Variants in AGBL1 observed in about 807,000 individuals in gnomAD.
AGBL1 encodes the protein cytosolic carboxypeptidase 4.
Under a neutral mutation model 118.9 loss-of-function variants are expected in AGBL1, and 130 were observed. That is an observed-to-expected ratio of 1.09 (90% CI 0.95 to 1.26). The LOEUF is 1.26. Among genes scored for constraint, AGBL1 ranks in the 50% most tolerant of loss-of-function variants. The pLI, the probability that AGBL1 is intolerant of heterozygous loss-of-function variation, is 0.00. For synonymous variants in AGBL1, 555 were observed against 478.9 expected, an observed-to-expected ratio of 1.16 and a Z score of -2.08; for missense variants, 1,584 against 1,298.1, an observed-to-expected ratio of 1.22 and a Z score of -3.38.
chr15:87,025,331 C>T (rs980367886), intron 24 of AGBL1, among the ~76,000 whole-genome samples: 1 of 151,804 alleles, frequency 6.6e-6, no homozygotes, highest in Non-Finnish European at 1.5e-5. Flanking sequence ...TTCTATACAC[C>T]AACAGTTATC....
chr15:86,544,176 T>A (rs2083545334), intron 19 of AGBL1, among the ~76,000 whole-genome samples: 1 of 152,184 alleles, frequency 6.6e-6, no homozygotes, highest in Non-Finnish European at 1.5e-5. Context: ...ATTCCTCTGC[T>A]CTGACCCAGG....
chr15:86,287,160 G>T (rs1845936), intron 16 of AGBL1, among the ~76,000 whole-genome samples: 5 of 152,154 alleles, frequency 3.3e-5, no homozygotes, highest in Non-Finnish European at 7.4e-5. Flanking sequence ...CTTCTGTTCA[G>T]AAATGCCTAT....
intron 3 of AGBL1, 38 bp downstream of exon 3, chr15:86,143,883 C>A: frequency 6.2e-7 from 1 of 1,605,382 alleles, no homozygotes; most frequent in South Asian, 1.1e-5. Context: ...ACTGAAAAGG[C>A]ACTTCTAGGG....
At chr15:86,502,506 A>T (rs1448908721) in intron 18 of AGBL1, among the ~76,000 whole-genome samples, 5 of 151,506 alleles carry the variant, frequency 3.3e-5, no homozygotes, top group Non-Finnish European at 7.4e-5. Context: ...ACCTTGGCTC[A>T]TTCCAAATCT....
chr15:86,091,162 C>G (rs1171057022), intron 1 of AGBL1, among the ~76,000 whole-genome samples: 2 of 152,110 alleles, frequency 1.3e-5, no homozygotes, highest in African/African-American at 4.8e-5. Flanking sequence ...GCAATATAAT[C>G]TGTTTCTTTG....
intron 18 of AGBL1, among the ~76,000 whole-genome samples, chr15:86,510,725 G>A (rs2083043843): frequency 6.6e-6 from 1 of 152,080 alleles, no homozygotes; most frequent in Non-Finnish European, 1.5e-5. Context: ...CAGCTGAGAT[G>A]GAGATGATCA....
At position 86,090,595 on chromosome 15, in the gene AGBL1, G is replaced by T. The variant is rs536602289; in HGVS notation, c.51+10572G>T. 3.9e-5 allele frequency among the ~76,000 whole-genome samples: 6 copies of T among 152,120 alleles called. No individual in the cohort carries two copies. The South Asian group carries it at 1.0e-3, about 26-fold the overall frequency. Reference sequence around the variant, plus strand: ...TGTGTGATAGTTATATCATTTTTTAGTTCATGGTTGTACCATAATTTAAAT... The same window carrying T: ...TGTGTGATAGTTATATCATTTTTTATTTCATGGTTGTACCATAATTTAAAT... On this transcript the variant is annotated intron_variant, in intron 1 of 22. Coordinates refer to ENST00000614907, the MANE Select transcript of AGBL1 (RefSeq NM_001386094.1).
At chr15:86,433,266 C>CT (rs59417397) in intron 18 of AGBL1, among the ~76,000 whole-genome samples, 7,371 of 74,230 alleles carry the variant, frequency 0.099, 1,442 homozygotes, top group Non-Finnish European at 0.13. Context: ...CCTCCTTCTT[C>CT]TTTTTTTTTT....
chr15:86,536,149 T>G (rs79083061), intron 19 of AGBL1, among the ~76,000 whole-genome samples: 4,399 of 152,254 alleles, frequency 0.029, 209 homozygotes, highest in African/African-American at 0.1. Context: ...AGAAACCAAG[T>G]TTTGTGTATA....
rs78301612 is a variant in AGBL1 at position 86,569,158 on chromosome 15, G to A, written c.2994+14621G>A. Among the ~76,000 whole-genome samples the A allele has an allele frequency of 4.1e-3, 622 of 152,208 alleles. 2 individuals are homozygous for A. The highest frequency in any genetic ancestry group is 0.013 in the African/African-American group (557 of 41,536). On this transcript the variant is annotated intron_variant, in intron 21 of 22. Transcript: ENST00000614907. Reference sequence around the variant, plus strand: ...ATATGAAATCCAGATGCTGCTGGGCGCAATGGCTCATGCCTGTTATCCCAA... The same window carrying A: ...ATATGAAATCCAGATGCTGCTGGGCACAATGGCTCATGCCTGTTATCCCAA...
At chr15:86,741,053 G>C (rs1384762564) in intron 22 of AGBL1, among the ~76,000 whole-genome samples, 1 of 151,946 alleles carries the variant, frequency 6.6e-6, no homozygotes, top group Non-Finnish European at 1.5e-5. Flanking sequence ...GGCAGCTCCA[G>C]CCTCTGAATG....
intron 22 of AGBL1, among the ~76,000 whole-genome samples, chr15:86,683,495 C>T (rs184507406): frequency 1.4e-4 from 22 of 152,238 alleles, no homozygotes; most frequent in Admixed American, 1.4e-3. Context: ...AAAATAATGC[C>T]TATTTTACAA....
At chr15:86,195,588 G>A (rs532479981) in intron 5 of AGBL1, among the ~76,000 whole-genome samples, 1 of 152,244 alleles carries the variant, frequency 6.6e-6, no homozygotes, top group Non-Finnish European at 1.5e-5. Context: ...CATCTGGCTT[G>A]CTGGGATTCC....
chr15:86,984,903 C>G (rs545236767), intron 23 of AGBL1, among the ~76,000 whole-genome samples: 1 of 152,292 alleles, frequency 6.6e-6, no homozygotes, highest in African/African-American at 2.4e-5. Flanking sequence ...CCACTCCTGG[C>G]TGGTCACAGA....
chr15:86,406,880 A>G (rs1410383883), intron 18 of AGBL1, among the ~76,000 whole-genome samples: 4 of 152,200 alleles, frequency 2.6e-5, no homozygotes, highest in Non-Finnish European at 5.9e-5. Flanking sequence ...ACAATTCTTC[A>G]TTATAAACTG....
At chr15:86,762,971 G>A (rs16977961) in intron 22 of AGBL1, among the ~76,000 whole-genome samples, 49,614 of 151,704 alleles carry the variant, frequency 0.33, 8,349 homozygotes, top group East Asian at 0.42. Flanking sequence ...ATAGCACTGT[G>A]CTAAAATAGA....
intron 22 of AGBL1, among the ~76,000 whole-genome samples, chr15:86,901,783 G>T (rs1032073956): frequency 6.6e-6 from 1 of 151,878 alleles, no homozygotes; most frequent in African/African-American, 2.4e-5. Flanking sequence ...ACTGAAATTT[G>T]GTACTTTTTT....
intron 22 of AGBL1, among the ~76,000 whole-genome samples, chr15:86,696,311 A>C (rs2086258232): frequency 6.6e-6 from 1 of 151,938 alleles, no homozygotes; most frequent in Non-Finnish European, 1.5e-5. Context: ...CCTGTTGGAC[A>C]AAGCCTTTTA....
At chr15:86,735,825 C>G (rs961677070) in intron 22 of AGBL1, among the ~76,000 whole-genome samples, 2 of 152,058 alleles carry the variant, frequency 1.3e-5, no homozygotes, top group Non-Finnish European at 2.9e-5. Flanking sequence ...ATGTAGCAAG[C>G]GCTCTGTAAA....
Sources: allele counts gnomAD v4.1 joint callset (sites outside exome capture counted in the v4.1 genomes callset), GRCh38; gene constraint gnomAD v4.1.1; transcripts MANE v1.5; gene names NCBI Gene and HGNC (gene_info 2026-07-23, HGNC 2026-07-21).